AGGF1: variants seen among roughly 807,000 people sequenced by gnomAD.
AGGF1 encodes angiogenic factor with G patch and FHA domains 1.
AGGF1 carries 56 observed loss-of-function variants against 86.5 expected under a neutral mutation model. That is an observed-to-expected ratio of 0.65 (90% CI 0.52 to 0.81). AGGF1 has a LOEUF of 0.81. AGGF1 is among the 30% of genes least tolerant of loss of function. The probability of loss-of-function intolerance (pLI) is 0.00; values close to 1 mark genes in which losing one functional copy is unlikely to be tolerated. For synonymous variants in AGGF1, 313 were observed against 297.1 expected (o/e 1.05, Z -0.55); for missense variants, 816 against 850.9 (o/e 0.96, Z 0.51).
At chr5:77,059,392 C>A (rs573240068) in intron 11 of AGGF1, among the ~76,000 whole-genome samples, 12 of 152,208 alleles carry the variant, frequency 7.9e-5, no homozygotes, top group African/African-American at 2.9e-4. Flanking sequence ...GTATTGCTCA[C>A]ACTGGTCTCA....
At chr5:77,042,558 C>G (rs1452266657) in intron 5 of AGGF1, among the ~76,000 whole-genome samples, 1 of 69,760 alleles carries the variant, frequency 1.4e-5, no homozygotes, top group African/African-American at 4.6e-5. Flanking sequence ...ACCTCCCGGA[C>G]GGGGCGGCTG....
At chr5:77,042,582 G>T (rs1369352415) in intron 5 of AGGF1, among the ~76,000 whole-genome samples, 1 of 64,070 alleles carries the variant, frequency 1.6e-5, no homozygotes, top group African/African-American at 5.0e-5. Flanking sequence ...GGGCGGGGGG[G>T]CTGACCCCCC....
Position 77,048,228 on chromosome 5 carries a change from A to C in AGGF1, c.1269A>C (p.Gly423=), listed in dbSNP as rs1338156840. ...TTAGATCACCTGTGTTGCAGATAGG[A>C]TCACTCTTTATCATTACTGCTGTAA... The part of the protein sequence containing the change: ...IVIRSPVLQI[G]SLFIITAVNP... Residue 423 remains glycine, a synonymous_variant, in exon 7 of 14, where the codon GGA becomes GGC. Transcript: ENST00000312916. 3.1e-6 allele frequency: 5 copies of C among 1,613,644 alleles called. No individual in the cohort carries two copies. The African/African-American group carries it at 5.3e-5, about 17-fold the overall frequency.
intron 5 of AGGF1, among the ~76,000 whole-genome samples, chr5:77,044,808 G>A (rs1021193157): frequency 4.6e-5 from 7 of 152,090 alleles, no homozygotes; most frequent in South Asian, 2.1e-4. Context: ...CTGAACTTAC[G>A]CTGTTATCAA....
At chr5:77,040,815 A>G (rs1445813672) in intron 5 of AGGF1, among the ~76,000 whole-genome samples, 2 of 152,016 alleles carry the variant, frequency 1.3e-5, no homozygotes, top group Admixed American at 6.5e-5. Flanking sequence ...TTCCTGTCCT[A>G]TCTCTGTCCT....
chr5:77,043,401 C>T (rs1403610697), intron 5 of AGGF1, among the ~76,000 whole-genome samples: 10 of 58,936 alleles, frequency 1.7e-4, no homozygotes, highest in African/African-American at 6.1e-4. Context: ...GCTGGCCGGG[C>T]AGAGGGGCTC....
rs886727535 is a variant in AGGF1, at chr5:77,030,550, C to A, written c.-217C>A. The A allele has an allele frequency of 3.9e-5, 27 of 700,628 alleles. No homozygotes were observed. Among genetic ancestry groups the A allele is most frequent in the Non-Finnish European group, 6.5e-5 (25 of 386,544 alleles). 43.4% of individuals were successfully genotyped at this position (700,628 alleles called of 1,614,324 possible). A position where few individuals can be genotyped will look rare whatever the true frequency, so the allele number is the denominator to read the frequency against. On this transcript the variant is annotated 5_prime_UTR_variant, in exon 1 of 14. Transcript: ENST00000312916. ...TTTCCGGTTTGCAGGCCGCGCACAT[C>A]GGGCAGGGGCCATCCTCGGTCCCCT...
rs1232718165 is a variant in AGGF1 at position 77,041,566 on chromosome 5, CA to C, written c.870+1867del. Among the ~76,000 whole-genome samples the C allele has an allele frequency of 9.4e-3, 664 of 70,400 alleles. 6 individuals carry two copies. The highest frequency in any genetic ancestry group is 0.038 in the African/African-American group (597 of 15,838). The allele number at this position is 70,400 out of a possible 152,430, so 46.2% of individuals were successfully genotyped here. A position where few individuals can be genotyped will look rare whatever the true frequency, so the allele number is the denominator to read the frequency against. ...TGGGCAACAGAGCGAGACTCCATCTCAAAAAAAAAAAAAAAAAAAAGAAGAA... is the reference window on the plus strand; with the variant it reads ...TGGGCAACAGAGCGAGACTCCATCTCAAAAAAAAAAAAAAAAAAAGAAGAA... On this transcript the variant is annotated intron_variant, in intron 5 of 13. Transcript: ENST00000312916.
intron 12 of AGGF1, among the ~76,000 whole-genome samples, chr5:77,060,134 G>A (rs527295413): frequency 2.5e-4 from 38 of 152,318 alleles, no homozygotes; most frequent in Non-Finnish European, 3.8e-4. Context: ...GAGCTACCAC[G>A]TCTGGCCAAT....
At chr5:77,054,468 G>A (rs1747427483) in intron 10 of AGGF1, among the ~76,000 whole-genome samples, 1 of 152,194 alleles carries the variant, frequency 6.6e-6, no homozygotes, top group African/African-American at 2.4e-5. Flanking sequence ...AGATTGATAA[G>A]CTCTCTTTCT....
At chr5:77,061,891 A>T (rs1415446613) in intron 13 of AGGF1, 89 bp downstream of exon 13, 2 of 1,216,522 alleles carry the variant, frequency 1.6e-6, no homozygotes, top group Non-Finnish European at 2.4e-6. Context: ...TTAAGTGCTA[A>T]GAATATAGTA....
chr5:77,035,850 G>T (rs988113721), intron 3 of AGGF1, 107 bp downstream of exon 3: 1 of 961,542 alleles, frequency 1.0e-6, no homozygotes, highest in Non-Finnish European at 1.6e-6. Context: ...CATATATAAG[G>T]GTTATAAACA....
At position 77,041,785 on chromosome 5, in the gene AGGF1, T is replaced by TTTTA. The variant is rs1312253497; in HGVS notation, c.870+2094_870+2097dup. ...GTGCGAATTCCAAGACAAGAACTTTTTTTATTTATTTATTTATTTATTTAT... is the reference window on the plus strand; with the variant it reads ...GTGCGAATTCCAAGACAAGAACTTTTTTTATTTATTTATTTATTTATTTATTTAT... On this transcript the variant is annotated intron_variant, in intron 5 of 13. Coordinates refer to ENST00000312916, the MANE Select transcript of AGGF1 (RefSeq NM_018046.5). Among the ~76,000 whole-genome samples the TTTTA allele has an allele frequency of 7.3e-4, 82 of 113,028 alleles. 2 individuals are homozygous for TTTTA. Among genetic ancestry groups the TTTTA allele is most frequent in the Middle Eastern group, 4.3e-3 (1 of 234 alleles). The allele number at this position is 113,028 out of a possible 152,430, so 74.2% of individuals were successfully genotyped here.
chr5:77,063,108 A>C lies in AGGF1; in HGVS notation c.2001A>C (p.Ser667=), dbSNP rs1263254115. The C allele has an allele frequency of 1.9e-6, 3 of 1,613,968 alleles. No homozygotes were observed. The highest frequency in any genetic ancestry group is 1.7e-5 in the Admixed American group (1 of 59,986). Residue 667 remains serine, a synonymous_variant, in exon 14 of 14, where the codon TCA becomes TCC. Transcript: ENST00000312916. The stretch of plus-strand genomic sequence containing the variant: ...GCTTGGGGACAGGCAAACCATCCTC[A>C]TTTGAAGATGTTCACCTTCTCCAAA... ...HAGLGTGKPS[S]FEDVHLLQNK...
chr5:77,036,534 G>T, intron 3 of AGGF1, 22 bp from the exon 4 acceptor site: 1 of 1,612,294 alleles, frequency 6.2e-7, no homozygotes, highest in Non-Finnish European at 8.5e-7. Flanking sequence ...TGTCTTATTT[G>T]GCATGACTAT....
In AGGF1 at chr5:77,063,141, C is replaced by CA. The variant is rs761190994; in HGVS notation, c.2042dup (p.Asn681LysfsTer11). 3.3e-5 allele frequency: 54 copies of CA among 1,613,278 alleles called. No homozygotes were observed. The highest frequency in any genetic ancestry group is 2.2e-4 in the South Asian group (20 of 91,060). The stretch of plus-strand genomic sequence containing the variant: ...ATGTTCACCTTCTCCAAAACAAGAA[C>CA]AAAAAAAACTGGGACAAAGCACGAG... On this transcript the variant is annotated frameshift_variant, in exon 14 of 14. Coordinates refer to ENST00000312916, the MANE Select transcript of AGGF1 (RefSeq NM_018046.5). LOFTEE classifies it high-confidence loss of function.
At chr5:77,043,547 C>T (rs1183421390) in intron 5 of AGGF1, among the ~76,000 whole-genome samples, 4 of 146,636 alleles carry the variant, frequency 2.7e-5, no homozygotes, top group East Asian at 2.2e-4. Flanking sequence ...GACCCCCCCA[C>T]CTCCCTCCCG....
intron 4 of AGGF1, among the ~76,000 whole-genome samples, chr5:77,037,655 A>G (rs911722399): frequency 6.6e-6 from 1 of 152,118 alleles, no homozygotes; most frequent in African/African-American, 2.4e-5. Flanking sequence ...CTCACCCTCT[A>G]GTCCCAGCTA....
chr5:77,042,255 C>A (rs1376986707), intron 5 of AGGF1, among the ~76,000 whole-genome samples: 2 of 149,680 alleles, frequency 1.3e-5, no homozygotes, highest in Admixed American at 1.3e-4. Context: ...AATCTTTTCC[C>A]CACCTTTCCC....
Sources: allele counts gnomAD v4.1 joint callset (sites outside exome capture counted in the v4.1 genomes callset), GRCh38; gene constraint gnomAD v4.1.1; transcripts MANE v1.5; gene names NCBI Gene and HGNC (gene_info 2026-07-23, HGNC 2026-07-21).